LRRC8C: variants seen among roughly 807,000 people sequenced by gnomAD.
The protein encoded by LRRC8C is volume-regulated anion channel subunit LRRC8C.
LRRC8C carries 20 observed loss-of-function variants against 55.3 expected under a neutral mutation model. The observed-to-expected ratio is 0.36, with a 90% confidence interval of 0.25 to 0.53. LRRC8C has a LOEUF of 0.53. Among genes scored for constraint, LRRC8C ranks in the 20% least tolerant of loss-of-function variants. The probability of loss-of-function intolerance (pLI) is 0.92; values close to 1 mark genes in which losing one functional copy is unlikely to be tolerated. For missense variants in LRRC8C, 659 were observed against 951.4 expected (o/e 0.69, Z 4.04); for synonymous variants, 376 against 360.7 (o/e 1.04, Z -0.48).
At chr1:89,622,941 C>A in the LRRC8C span, among the ~76,000 whole-genome samples, 8 of 152,062 alleles carry the variant, frequency 5.3e-5, no homozygotes, top group Admixed American at 2.6e-4. Context: ...GGTATCAGAT[C>A]AGATATAAAT....
chr1:89,635,924 T>TA (rs1167713508), intron 1 of LRRC8C, among the ~76,000 whole-genome samples: 2 of 152,206 alleles, frequency 1.3e-5, no homozygotes, highest in Non-Finnish European at 1.5e-5. Flanking sequence ...AGATCACTCA[T>TA]AAAAGCATAT....
chr1:89,617,067 G>C, the LRRC8C span, among the ~76,000 whole-genome samples: 3 of 152,102 alleles, frequency 2.0e-5, no homozygotes, highest in Non-Finnish European at 2.9e-5. Context: ...GCAATAAATA[G>C]GCAGGGCCCT....
chr1:89,708,470 T>G lies in LRRC8C; in HGVS notation c.139-4239T>G, dbSNP rs1570742260. 3 of 151,664 alleles carry G rather than the reference T, an allele frequency of 2.0e-5. No individual in the cohort carries two copies. In the South Asian group the frequency reaches 6.2e-4, roughly 31 times the overall value. 9.4% of individuals were successfully genotyped at this position (151,664 alleles called of 1,614,324 possible). A position where few individuals can be genotyped will look rare whatever the true frequency, so the allele number is the denominator to read the frequency against. On this transcript the variant is annotated intron_variant, in intron 2 of 2. Coordinates refer to ENST00000370454, the MANE Select transcript of LRRC8C (RefSeq NM_032270.5). Reference sequence around the variant, plus strand: ...AAGAAACGTGAAGTATAGGTCTGATTAGGCAGACTTCTCAAAAGGATAGGA... The same window carrying G: ...AAGAAACGTGAAGTATAGGTCTGATGAGGCAGACTTCTCAAAAGGATAGGA...
intron 1 of LRRC8C, among the ~76,000 whole-genome samples, chr1:89,682,783 CTATG>C: frequency 6.6e-6 from 1 of 152,316 alleles, no homozygotes; most frequent in African/African-American, 2.4e-5. Context: ...TATTAATACA[CTATG>C]TGATGAAATG....
At chr1:89,672,506 TGGTAA>T (rs1295240140) in intron 1 of LRRC8C, among the ~76,000 whole-genome samples, 8 of 152,226 alleles carry the variant, frequency 5.3e-5, no homozygotes, top group African/African-American at 1.9e-4. Context: ...CCAGGCATCG[TGGTAA>T]GTGCTAGGAA....
chr1:89,692,533 T>G (rs1658053747), intron 2 of LRRC8C, among the ~76,000 whole-genome samples: 2 of 152,252 alleles, frequency 1.3e-5, no homozygotes, highest in Non-Finnish European at 2.9e-5. Flanking sequence ...TTCTTGCACT[T>G]ATGTAAAAGG....
intron 2 of LRRC8C, among the ~76,000 whole-genome samples, chr1:89,689,187 T>C (rs1352469960): frequency 6.6e-6 from 1 of 152,218 alleles, no homozygotes; most frequent in Non-Finnish European, 1.5e-5. Context: ...AGTCTGCATG[T>C]TAAGGTGAAC....
chr1:89,685,167 G>A (rs548163916), intron 1 of LRRC8C, among the ~76,000 whole-genome samples: 29 of 145,494 alleles, frequency 2.0e-4, no homozygotes, highest in Non-Finnish European at 3.5e-4. Flanking sequence ...GCCGGACTGC[G>A]GACTGCAGTG....
intron 1 of LRRC8C, among the ~76,000 whole-genome samples, chr1:89,634,996 C>G (rs941296776): frequency 2.0e-5 from 3 of 152,138 alleles, no homozygotes; most frequent in African/African-American, 7.2e-5. Context: ...GTATATTTAA[C>G]AATTTTCTTA....
At chr1:89,679,132 C>G (rs6668433) in intron 1 of LRRC8C, among the ~76,000 whole-genome samples, 59,494 of 151,620 alleles carry the variant, frequency 0.39, 12,018 homozygotes, top group African/African-American at 0.51. Context: ...ACAAGGGGGT[C>G]GGGGAGAAGA....
chr1:89,701,811 C>T (rs1658334747), intron 2 of LRRC8C, among the ~76,000 whole-genome samples: 1 of 152,090 alleles, frequency 6.6e-6, no homozygotes, highest in Non-Finnish European at 1.5e-5. Flanking sequence ...ACACAGACCC[C>T]AAAGCAAGAT....
chr1:89,666,537 C>T (rs1248571868), intron 1 of LRRC8C, among the ~76,000 whole-genome samples: 1 of 152,130 alleles, frequency 6.6e-6, no homozygotes, highest in East Asian at 1.9e-4. Flanking sequence ...TTTTCCAGCT[C>T]CATGCAGATC....
At chr1:89,628,856 T>C (rs1450397074), upstream of LRRC8C, among the ~76,000 whole-genome samples, 1 of 152,212 alleles carries the variant, frequency 6.6e-6, no homozygotes, top group Non-Finnish European at 1.5e-5. Context: ...CTGGTTTATA[T>C]GACCCACCTC....
intron 1 of LRRC8C, among the ~76,000 whole-genome samples, chr1:89,666,192 G>A (rs767204967): frequency 3.3e-5 from 5 of 152,108 alleles, no homozygotes; most frequent in African/African-American, 4.8e-5. Flanking sequence ...CACTGCTGTT[G>A]CTTAATAAAC....
At position 89,714,218 on chromosome 1, in the gene LRRC8C, A is replaced by G. The variant is rs1192121814; in HGVS notation, c.1648A>G (p.Lys550Glu). 1 of 1,614,098 alleles carries G rather than the reference A, an allele frequency of 6.2e-7. No homozygotes were observed. The highest frequency in any genetic ancestry group is 8.5e-7 in the Non-Finnish European group (1 of 1,180,016). ...CAAAAGCCTTAAAATTCTCTCTATCAAAAGCAACGTTTCCAAAATCCCTCA... is the reference window on the plus strand; with the variant it reads ...CAAAAGCCTTAAAATTCTCTCTATCGAAAGCAACGTTTCCAAAATCCCTCA... ...DLKSLKILSIKSNVSKIPQAV... is the reference protein window; with the variant it reads ...DLKSLKILSIESNVSKIPQAV... Residue 550 changes from lysine to glutamate, a missense_variant, in exon 3 of 3, where the codon AAA becomes GAA. Lys to Glu is a moderately conservative substitution (Grantham distance 56, BLOSUM62 1). Transcript: ENST00000370454. The surrounding 1 kb of genome is among the most constrained non-coding windows in gnomAD (Gnocchi z 4.6).
intron 1 of LRRC8C, among the ~76,000 whole-genome samples, chr1:89,662,504 T>C (rs1292700550): frequency 6.6e-6 from 1 of 152,138 alleles, no homozygotes; most frequent in Non-Finnish European, 1.5e-5. Context: ...TTGGTAGAAG[T>C]GGAGAGACTA....
At chr1:89,698,225 A>T (rs1250773379) in intron 2 of LRRC8C, among the ~76,000 whole-genome samples, 1 of 152,148 alleles carries the variant, frequency 6.6e-6, no homozygotes, top group African/African-American at 2.4e-5. Context: ...TTCATGTCAG[A>T]AGAAGGTAGC....
At chr1:89,700,526 AATAGTAG>A (rs1557665952) in intron 2 of LRRC8C, among the ~76,000 whole-genome samples, 1 of 152,208 alleles carries the variant, frequency 6.6e-6, no homozygotes, top group African/African-American at 2.4e-5. Context: ...ATGCCAACCT[AATAGTAG>A]ATAGTAGGTA....
intron 2 of LRRC8C, among the ~76,000 whole-genome samples, chr1:89,699,013 A>T (rs1432084643): frequency 6.6e-6 from 1 of 152,184 alleles, no homozygotes; most frequent in Non-Finnish European, 1.5e-5. Context: ...GAGAGAGATG[A>T]TCCAAACAAT....
Sources: gnomAD v4.1 joint callset for allele counts (sites outside exome capture counted in the v4.1 genomes callset) on GRCh38, gnomAD v4.1.1 for gene constraint, Gnocchi (gnomAD v3.1) non-coding constraint, MANE v1.5 for transcripts, NCBI Gene and HGNC (gene_info 2026-07-23, HGNC 2026-07-21) for gene names.